Variants in NBR1 observed in about 807,000 individuals in gnomAD.
The protein encoded by NBR1 is next to BRCA1 gene 1 protein.
A neutral mutation model predicts 115.5 loss-of-function variants in NBR1; 59 were observed. That is an observed-to-expected ratio of 0.51 (90% CI 0.41 to 0.63). The LOEUF is 0.63. NBR1 is among the 30% of genes least tolerant of loss of function. The pLI is 0.00. For missense variants in NBR1, 1,043 were observed against 1,150.5 expected, an observed-to-expected ratio of 0.91 and a Z score of 1.35; for synonymous variants, 373 against 414.7, an observed-to-expected ratio of 0.90 and a Z score of 1.22.
At chr17:43,172,692 A>G (rs376039643) in intron 1 of NBR1, among the ~76,000 whole-genome samples, 1 of 152,156 alleles carries the variant, frequency 6.6e-6, no homozygotes, top group East Asian at 1.9e-4. Flanking sequence ...AGAATGGAGA[A>G]AATTGGGGGA....
chr17:43,188,672 A>G (rs11654877), intron 6 of NBR1, among the ~76,000 whole-genome samples: 48,354 of 152,040 alleles, frequency 0.32, 8,044 homozygotes, highest in South Asian at 0.5. Context: ...TCAGTTTTCT[A>G]CATATGGCTA....
In NBR1 at chr17:43,210,809, T is replaced by C. The variant is rs539739936; in HGVS notation, c.*735T>C. ...ACATTTTTATTTAAGGGAAAAAATA[T>C]AGGTATTGTGAAATATTTTGCTAAT... is the stretch of plus-strand genomic sequence containing the variant. On this transcript the variant is annotated 3_prime_UTR_variant, in exon 21 of 21. Transcript: ENST00000590996. 4.0e-4 allele frequency: 158 copies of C among 398,370 alleles called. No homozygotes were observed. The highest frequency in any genetic ancestry group is 1.0e-3 in the South Asian group (8 of 7,800). 24.7% of individuals were successfully genotyped at this position (398,370 alleles called of 1,614,324 possible).
chr17:43,181,737 C>T (rs2056671118), intron 5 of NBR1, among the ~76,000 whole-genome samples: 1 of 152,124 alleles, frequency 6.6e-6, no homozygotes, highest in Admixed American at 6.5e-5. Context: ...GTAATCCCAG[C>T]ACTTTGGGAG....
intron 12 of NBR1, 127 bp from the exon 13 acceptor site, chr17:43,194,222 AT>A (rs2057015398): frequency 1.1e-6 from 1 of 894,398 alleles, no homozygotes; most frequent in Non-Finnish European, 1.7e-6. Flanking sequence ...AACTGTAAAA[AT>A]ATATCAAAAA....
At chr17:43,204,000 C>T (rs1424860455) in intron 20 of NBR1, among the ~76,000 whole-genome samples, 7 of 149,942 alleles carry the variant, frequency 4.7e-5, no homozygotes, top group African/African-American at 7.4e-5. Context: ...TGCAGTGGCG[C>T]GATCTCGGCT....
chr17:43,202,126 G>T (rs185737881), intron 18 of NBR1, among the ~76,000 whole-genome samples: 1 of 144,304 alleles, frequency 6.9e-6, no homozygotes, highest in Non-Finnish European at 1.5e-5. Context: ...GTTGGAGTGA[G>T]CCGAGATCGC....
intron 20 of NBR1, among the ~76,000 whole-genome samples, chr17:43,207,396 C>T (rs1456619994): frequency 6.6e-6 from 1 of 152,178 alleles, no homozygotes; most frequent in East Asian, 1.9e-4. Flanking sequence ...CTTGCTCTGT[C>T]ATCCAGGCTG....
chr17:43,202,770 C>A, intron 19 of NBR1, 58 bp downstream of exon 19: 1 of 1,397,050 alleles, frequency 7.2e-7, no homozygotes, highest in Non-Finnish European at 9.9e-7. Flanking sequence ...TGTATTCCTT[C>A]TGCTTAAAAG....
intron 12 of NBR1, among the ~76,000 whole-genome samples, chr17:43,194,133 T>C (rs2057013556): frequency 6.6e-6 from 1 of 152,218 alleles, no homozygotes; most frequent in Non-Finnish European, 1.5e-5. Context: ...TTTTGACTAT[T>C]ATAGTTAATA....
chr17:43,202,128 C>T lies in NBR1; in HGVS notation c.2563+348C>T, dbSNP rs1274152858. On this transcript the variant is annotated intron_variant, in intron 18 of 20. Transcript: ENST00000590996. ...CTGGGAGGCGGAGGTTGGAGTGAGCCGAGATCGCACCATTGCTCTCCAGCC... is the reference window on the plus strand; with the variant it reads ...CTGGGAGGCGGAGGTTGGAGTGAGCTGAGATCGCACCATTGCTCTCCAGCC... Among the ~76,000 whole-genome samples the T allele has an allele frequency of 7.8e-5, 11 of 141,152 alleles. No individual in the cohort carries two copies. In the South Asian group the frequency reaches 1.1e-3, roughly 14 times the overall value. 92.6% of individuals were successfully genotyped at this position (141,152 alleles called of 152,430 possible). A position where few individuals can be genotyped will look rare whatever the true frequency, so the allele number is the denominator to read the frequency against.
At chr17:43,185,265 G>C (rs1209241512) in intron 5 of NBR1, among the ~76,000 whole-genome samples, 1 of 152,136 alleles carries the variant, frequency 6.6e-6, no homozygotes, top group Non-Finnish European at 1.5e-5. Flanking sequence ...CCTGGGTAAT[G>C]TATGACAAAA....
Position 43,205,131 on chromosome 17 carries a change from G to A in NBR1, c.2727+1345G>A, listed in dbSNP as rs544922005. 6.6e-5 allele frequency among the ~76,000 whole-genome samples: 10 copies of A among 152,056 alleles called. No homozygotes were observed. In the South Asian group the frequency reaches 1.7e-3, roughly 25 times the overall value. ...AGCACTTTGGAAGGCTGAGGCGGGC[G>A]GATCGTGAGGTCAGGAGTTCGAGAC... is the stretch of plus-strand genomic sequence containing the variant. On this transcript the variant is annotated intron_variant, in intron 20 of 20. Coordinates refer to ENST00000590996, the MANE Select transcript of NBR1 (RefSeq NM_005899.5).
Position 43,193,367 on chromosome 17 carries a change from A to G in NBR1, c.1253A>G (p.Asn418Ser). The change falls in exon 12 of 21, where the codon AAC becomes AGC. Residue 418 changes from asparagine to serine, a missense_variant. Asn to Ser is a conservative substitution (Grantham distance 46). Coordinates refer to ENST00000590996, the MANE Select transcript of NBR1 (RefSeq NM_005899.5). ...TTTCAGCTCAAGTTCATGTGGGGAA[A>G]CCTGACTTTGGCTTCCACAGAAAAG... ...ADTKLKFMWG[N>S]LTLASTEKKD... The G allele has an allele frequency of 1.2e-6, 2 of 1,613,602 alleles. No individual in the cohort carries two copies. The highest frequency in any genetic ancestry group is 1.7e-6 in the Non-Finnish European group (2 of 1,179,702).
chr17:43,189,977 T>C (rs893874646), intron 8 of NBR1, 175 bp downstream of exon 8: 1 of 622,580 alleles, frequency 1.6e-6, no homozygotes, highest in Non-Finnish European at 2.8e-6. Flanking sequence ...ATGTTGTAAC[T>C]ATTCAGATTG....
chr17:43,197,939 G>T (rs1396264015), intron 16 of NBR1, among the ~76,000 whole-genome samples: 2 of 151,944 alleles, frequency 1.3e-5, no homozygotes, highest in Non-Finnish European at 2.9e-5. Flanking sequence ...ATCACCTGAG[G>T]TTGGGAGTTC....
chr17:43,205,568 AG>A (rs1408316533), intron 20 of NBR1, among the ~76,000 whole-genome samples: 2 of 152,126 alleles, frequency 1.3e-5, no homozygotes, highest in African/African-American at 4.8e-5. Flanking sequence ...ATCCGGTCTA[AG>A]AAGAGGAGTA....
chr17:43,194,401 CA>C lies in NBR1; in HGVS notation c.1577del (p.Gln526ArgfsTer30). 1 of 1,613,940 alleles carries C rather than the reference CA, an allele frequency of 6.2e-7. No individual in the cohort carries two copies. Among genetic ancestry groups the C allele is most frequent in the Non-Finnish European group, 8.5e-7 (1 of 1,179,878 alleles). On this transcript the variant is annotated frameshift_variant, in exon 13 of 21. Transcript: ENST00000590996. LOFTEE classifies it high-confidence loss of function. ...EERQLGEVTE[Q>X]TEGTAACIPQ... ...AAGACAGCTTGGTGAAGTGACTGAG[CA>C]GACAGAAGGGACAGCAGCCTGCATC...
At position 43,196,540 on chromosome 17, in the gene NBR1, T is replaced by C. The variant is rs1477627163; in HGVS notation, c.1810T>C (p.Leu604=). Residue 604 remains leucine, a synonymous_variant, in exon 15 of 21, where the codon TTG becomes CTG. Coordinates refer to ENST00000590996, the MANE Select transcript of NBR1 (RefSeq NM_005899.5). Reference sequence around the variant, plus strand: ...CAGTCCTTTAATAGAGAAGCCAGGCTTGGGGCAGATAGAGGAAGAGAATGA... The same window carrying C: ...CAGTCCTTTAATAGAGAAGCCAGGCCTGGGGCAGATAGAGGAAGAGAATGA... ...HDSPLIEKPG[L]GQIEEENEGA... The C allele has an allele frequency of 1.9e-6, 3 of 1,606,952 alleles. No individual in the cohort carries two copies. Among genetic ancestry groups the C allele is most frequent in the Non-Finnish European group, 2.5e-6 (3 of 1,177,670 alleles).
At chr17:43,192,956 A>G in intron 10 of NBR1, 138 bp from the exon 11 acceptor site, 1 of 730,596 alleles carries the variant, frequency 1.4e-6, no homozygotes, top group Non-Finnish European at 2.3e-6. Context: ...GTCCTATACT[A>G]GTAATATCAG....
Sources: allele counts gnomAD v4.1 joint callset (sites outside exome capture counted in the v4.1 genomes callset), GRCh38; gene constraint gnomAD v4.1.1; transcripts MANE v1.5; gene names NCBI Gene and HGNC (gene_info 2026-07-23, HGNC 2026-07-21).